FRMD4A: variants seen among roughly 807,000 people sequenced by gnomAD.
The protein encoded by FRMD4A is FERM domain-containing protein 4A.
In FRMD4A, 29 loss-of-function variants were observed where a neutral mutation model predicts 129.1. That is an observed-to-expected ratio of 0.22 (90% CI 0.17 to 0.31). The LOEUF is 0.31. Ranked by LOEUF, FRMD4A falls within the 10% of genes least tolerant of loss-of-function variation. The pLI is 1.00. For missense variants in FRMD4A, 1,272 were observed against 1,375.8 expected (o/e 0.92, Z 1.19); for synonymous variants, 634 against 571.6 (o/e 1.11, Z -1.56).
chr10:13,886,114 G>T (rs561140926), intron 2 of FRMD4A, among the ~76,000 whole-genome samples: 1 of 152,116 alleles, frequency 6.6e-6, no homozygotes, highest in Non-Finnish European at 1.5e-5. Flanking sequence ...GGCATGTGGC[G>T]AGAGCGTAAT....
chr10:13,659,184 G>T (rs1253188295), intron 21 of FRMD4A, 139 bp downstream of exon 21: 3 of 822,466 alleles, frequency 3.6e-6, no homozygotes, highest in East Asian at 2.7e-5. Context: ...TGCCAGCTTG[G>T]TTTTTTATTC....
At chr10:14,101,288 C>T (rs932585389) in intron 2 of FRMD4A, among the ~76,000 whole-genome samples, 5 of 152,114 alleles carry the variant, frequency 3.3e-5, no homozygotes, top group South Asian at 2.1e-4. Context: ...ATCCTTCCTG[C>T]GGGCAATGAA....
intron 2 of FRMD4A, among the ~76,000 whole-genome samples, chr10:14,224,908 G>T (rs1293656777): frequency 6.6e-6 from 1 of 152,112 alleles, no homozygotes; most frequent in Non-Finnish European, 1.5e-5. Flanking sequence ...TACTTAATAA[G>T]GTAGAAAGAA....
In FRMD4A at chr10:13,979,525, T is replaced by C. The variant is rs11258771; in HGVS notation, c.46-120613A>G. On this transcript the variant is annotated intron_variant, in intron 2 of 24. Transcript: ENST00000357447. ...GTGAGGAGCAGCAAGTCAGTGTCTC[T>C]TTCAGATATGAAGGAGGTGAAGTAG... Among the ~76,000 whole-genome samples, 452 of 152,322 alleles carry C rather than the reference T, an allele frequency of 3.0e-3. 2 individuals are homozygous for C. Among genetic ancestry groups the C allele is most frequent in the Non-Finnish European group, 5.1e-3 (350 of 68,036 alleles).
At chr10:13,890,478 C>A (rs1043366946) in intron 2 of FRMD4A, 1 of 956,548 alleles carries the variant, frequency 1.0e-6, no homozygotes. Flanking sequence ...GGACGACTTA[C>A]GGATGCAGAG....
intron 2 of FRMD4A, among the ~76,000 whole-genome samples, chr10:13,895,435 C>T (rs1445027764): frequency 1.3e-5 from 2 of 152,134 alleles, no homozygotes; most frequent in African/African-American, 2.4e-5. Flanking sequence ...TTTATGGCTG[C>T]ATAGTATTCC....
intron 2 of FRMD4A, among the ~76,000 whole-genome samples, chr10:14,266,186 T>C (rs1844972063): frequency 6.6e-6 from 1 of 151,934 alleles, no homozygotes; most frequent in Non-Finnish European, 1.5e-5. Context: ...GGCTTTCCCG[T>C]GCATTGTAGG....
At chr10:13,807,508 G>T (rs1183197078) in intron 4 of FRMD4A, among the ~76,000 whole-genome samples, 2 of 152,124 alleles carry the variant, frequency 1.3e-5, no homozygotes, top group African/African-American at 4.8e-5. Context: ...AAAGTTAAAA[G>T]ATTAAAAAAA....
intron 2 of FRMD4A, among the ~76,000 whole-genome samples, chr10:14,057,697 A>C (rs1834606510): frequency 6.6e-6 from 1 of 152,106 alleles, no homozygotes; most frequent in African/African-American, 2.4e-5. Flanking sequence ...CAGCCTCCCA[A>C]GTAGCTGGGA....
At chr10:13,990,752 G>A (rs1287374896) in intron 2 of FRMD4A, among the ~76,000 whole-genome samples, 2 of 152,212 alleles carry the variant, frequency 1.3e-5, no homozygotes, top group South Asian at 4.1e-4. Context: ...TCAGAAACGT[G>A]TAAGTGCCAG....
At chr10:13,719,197 G>A (rs1246696697) in intron 12 of FRMD4A, among the ~76,000 whole-genome samples, 1 of 152,178 alleles carries the variant, frequency 6.6e-6, no homozygotes, top group Non-Finnish European at 1.5e-5. Context: ...AGCTGCAAGG[G>A]ATGCGATAAT....
At chr10:14,043,955 T>C (rs988570685) in intron 2 of FRMD4A, among the ~76,000 whole-genome samples, 2 of 152,228 alleles carry the variant, frequency 1.3e-5, no homozygotes, top group South Asian at 4.1e-4. Context: ...TTCTCCTGAA[T>C]AGCTGGGACT....
chr10:13,967,095 C>G lies in FRMD4A; in HGVS notation c.46-108183G>C, dbSNP rs575597542. On this transcript the variant is annotated intron_variant, in intron 2 of 24. Coordinates refer to ENST00000357447, the MANE Select transcript of FRMD4A (RefSeq NM_018027.5). Reference sequence around the variant, plus strand: ...GCTCACGCCTGTAATCCCAGCACTTCGGAGGCCGAGGCGGGCAGATCACGA... The same window carrying G: ...GCTCACGCCTGTAATCCCAGCACTTGGGAGGCCGAGGCGGGCAGATCACGA... Among the ~76,000 whole-genome samples, 248 of 152,236 alleles carry G rather than the reference C, an allele frequency of 1.6e-3. 2 individuals are homozygous for G. The highest frequency in any genetic ancestry group is 3.4e-4 in the Non-Finnish European group (23 of 68,006).
At chr10:14,143,609 T>C (rs748464002) in intron 2 of FRMD4A, among the ~76,000 whole-genome samples, 8 of 152,072 alleles carry the variant, frequency 5.3e-5, no homozygotes, top group Non-Finnish European at 8.8e-5. Flanking sequence ...TAGTTTTTTG[T>C]TGTTGTTGTT....
intron 2 of FRMD4A, among the ~76,000 whole-genome samples, chr10:14,125,845 G>A (rs1343236209): frequency 6.7e-6 from 1 of 150,028 alleles, no homozygotes; most frequent in African/African-American, 2.5e-5. Flanking sequence ...TCTGCTACCA[G>A]GAGGAATGTG....
At chr10:14,222,162 A>G (rs987303510) in intron 2 of FRMD4A, among the ~76,000 whole-genome samples, 2 of 152,222 alleles carry the variant, frequency 1.3e-5, no homozygotes. Context: ...TCAATCTGGC[A>G]TGGAAAAATA....
intron 14 of FRMD4A, 69 bp downstream of exon 14, chr10:13,701,271 C>G: frequency 6.8e-7 from 1 of 1,475,932 alleles, no homozygotes; most frequent in Non-Finnish European, 9.4e-7. Context: ...CCCCACCCAT[C>G]CGATCCTCAT....
intron 2 of FRMD4A, among the ~76,000 whole-genome samples, chr10:13,889,573 G>A (rs987975518): frequency 2.0e-5 from 3 of 152,136 alleles, no homozygotes; most frequent in African/African-American, 2.4e-5. Context: ...AACAATGTCT[G>A]CAAATTACAA....
chr10:14,154,916 G>C (rs562616171), intron 2 of FRMD4A, among the ~76,000 whole-genome samples: 1 of 152,158 alleles, frequency 6.6e-6, no homozygotes, highest in South Asian at 2.1e-4. Flanking sequence ...AAATATGGCA[G>C]GCAAAACAAT....
Sources: allele counts gnomAD v4.1 joint callset (sites outside exome capture counted in the v4.1 genomes callset), GRCh38; gene constraint gnomAD v4.1.1; transcripts MANE v1.5; gene names NCBI Gene and HGNC (gene_info 2026-07-23, HGNC 2026-07-21).